The following FRMD4A variants were observed in gnomAD, a reference collection of about 807,000 sequenced individuals.
FRMD4A encodes the protein FERM domain containing 4A, also known as FERM domain-containing protein 4A.
Under a neutral mutation model 129.1 loss-of-function variants are expected in FRMD4A, and 29 were observed. The ratio of observed to expected loss-of-function variants is 0.22; its 90% CI spans 0.17 to 0.31. FRMD4A has a LOEUF of 0.31. Among genes scored for constraint, FRMD4A ranks in the 10% least tolerant of loss-of-function variants. The pLI is 1.00. For synonymous variants in FRMD4A, 634 were observed against 571.6 expected (o/e 1.11, Z -1.56); for missense variants, 1,272 against 1,375.8 (o/e 0.92, Z 1.19).
At chr10:14,320,857 T>C (rs570004248) in intron 2 of FRMD4A, among the ~76,000 whole-genome samples, 1 of 150,840 alleles carries the variant, frequency 6.6e-6, no homozygotes, top group South Asian at 2.1e-4. Flanking sequence ...CCCGGGGCCA[T>C]GGCCCAGGTT....
chr10:13,801,272 C>CAA (rs546854127), intron 4 of FRMD4A, among the ~76,000 whole-genome samples: 2 of 147,286 alleles, frequency 1.4e-5, no homozygotes, highest in African/African-American at 5.0e-5. Flanking sequence ...GGCCCTGTCT[C>CAA]AAAAAAAAAA....
chr10:13,957,800 T>C (rs1031846994), intron 2 of FRMD4A, among the ~76,000 whole-genome samples: 5 of 152,218 alleles, frequency 3.3e-5, no homozygotes, highest in Non-Finnish European at 7.3e-5. Flanking sequence ...TGTATCTTTC[T>C]GGCCCCTAAA....
chr10:14,185,704 G>T (rs1451635816), intron 2 of FRMD4A, among the ~76,000 whole-genome samples: 1 of 152,170 alleles, frequency 6.6e-6, no homozygotes, highest in South Asian at 2.1e-4. Flanking sequence ...CTCAACAGTG[G>T]CACCTTCAGT....
chr10:13,898,816 T>C (rs1030582792), intron 2 of FRMD4A, among the ~76,000 whole-genome samples: 5 of 152,176 alleles, frequency 3.3e-5, no homozygotes, highest in African/African-American at 1.2e-4. Flanking sequence ...GCTAATACCA[T>C]TGGGCAGTCT....
chr10:13,672,840 G>C (rs2083631951), intron 16 of FRMD4A, among the ~76,000 whole-genome samples: 1 of 152,160 alleles, frequency 6.6e-6, no homozygotes, highest in African/African-American at 2.4e-5. Flanking sequence ...GACTACACAT[G>C]CGTCAAGAGG....
rs11258554 is a variant in FRMD4A, at chr10:13,720,656, C to A, written c.760-13543G>T. 0.012 allele frequency among the ~76,000 whole-genome samples: 1,755 copies of A among 152,146 alleles called. 69 individuals carry two copies. The South Asian group carries it at 0.12, about 10-fold the overall frequency. On this transcript the variant is annotated intron_variant, in intron 12 of 24. Coordinates refer to ENST00000357447, the MANE Select transcript of FRMD4A (RefSeq NM_018027.5). ...ACAGGTTTGAAGCACAAATGGGAAC[C>A]AGGGAAGGATAGGACAGGGTTTGCC...
intron 2 of FRMD4A, among the ~76,000 whole-genome samples, chr10:14,265,814 T>C (rs1490500159): frequency 1.3e-5 from 2 of 152,220 alleles, no homozygotes; most frequent in African/African-American, 2.4e-5. Flanking sequence ...TGCCCCTGTA[T>C]GTACTGTTGG....
At chr10:14,183,373 T>C (rs778844910) in intron 2 of FRMD4A, among the ~76,000 whole-genome samples, 1 of 152,246 alleles carries the variant, frequency 6.6e-6, no homozygotes, top group Non-Finnish European at 1.5e-5. Context: ...ATTCTAATTT[T>C]ACAAGTTGGA....
chr10:14,060,100 C>T (rs115002562), intron 2 of FRMD4A, among the ~76,000 whole-genome samples: 5,846 of 152,304 alleles, frequency 0.038, 190 homozygotes, highest in African/African-American at 0.098. Context: ...TTTATTGCAT[C>T]CTCCTTTTGA....
At chr10:13,724,110 C>T (rs984649731) in intron 12 of FRMD4A, among the ~76,000 whole-genome samples, 6 of 152,244 alleles carry the variant, frequency 3.9e-5, no homozygotes, top group Admixed American at 1.3e-4. Flanking sequence ...ATTTGTCAGC[C>T]GGGCGCGGTG....
intron 2 of FRMD4A, among the ~76,000 whole-genome samples, chr10:14,254,944 C>T (rs935106655): frequency 6.6e-6 from 1 of 152,102 alleles, no homozygotes; most frequent in African/African-American, 2.4e-5. Context: ...ATCCCAGTCC[C>T]TAAAGTCTTA....
At chr10:13,750,104 G>GAAAT (rs1554880607) in intron 8 of FRMD4A, among the ~76,000 whole-genome samples, 59 of 105,820 alleles carry the variant, frequency 5.6e-4, no homozygotes, top group African/African-American at 2.1e-3. Flanking sequence ...AAGAAAGAAA[G>GAAAT]AAATGAAGAA....
chr10:13,673,769 C>CTTTTTTTTT (rs1156236426), intron 16 of FRMD4A, among the ~76,000 whole-genome samples: 2 of 94,286 alleles, frequency 2.1e-5, no homozygotes, highest in Non-Finnish European at 3.9e-5. Flanking sequence ...GAAAGCATTG[C>CTTTTTTTTT]TTTTTTTTTT....
chr10:14,184,125 C>CTTTTTTTTT (rs58858936), intron 2 of FRMD4A, among the ~76,000 whole-genome samples: 70 of 64,516 alleles, frequency 1.1e-3, no homozygotes, highest in Non-Finnish European at 1.6e-3. Flanking sequence ...CTTTTCTTTT[C>CTTTTTTTTT]TTTTTTTTTT....
intron 2 of FRMD4A, among the ~76,000 whole-genome samples, chr10:14,089,395 C>T (rs1023340300): frequency 3.3e-5 from 5 of 152,088 alleles, no homozygotes; most frequent in Non-Finnish European, 5.9e-5. Flanking sequence ...CCAGAGAGGA[C>T]GGGCTGGCCC....
At chr10:14,330,526 C>T (rs1350142973) in intron 1 of FRMD4A, 71 bp downstream of exon 1, 3 of 405,896 alleles carry the variant, frequency 7.4e-6, no homozygotes, top group African/African-American at 2.0e-5. Context: ...AATCAAGCAG[C>T]CCGAGCCACC....
At chr10:13,762,526 AGTGAGTAGATACAGCTACT>A in intron 7 of FRMD4A, 79 bp downstream of exon 7, 1 of 720,544 alleles carries the variant, frequency 1.4e-6, no homozygotes, top group Non-Finnish European at 2.5e-6. Flanking sequence ...GACGACAAAT[AGTGAGTAGATACAGCTACT>A]GGCTATGCCT....
chr10:14,251,681 TAAG>T (rs1343114769), intron 2 of FRMD4A, among the ~76,000 whole-genome samples: 1 of 152,214 alleles, frequency 6.6e-6, no homozygotes, highest in Non-Finnish European at 1.5e-5. Context: ...AGTTTTAAAA[TAAG>T]AAGTCTCTTT....
At chr10:14,026,450 G>A (rs1832989581) in intron 2 of FRMD4A, among the ~76,000 whole-genome samples, 2 of 152,196 alleles carry the variant, frequency 1.3e-5, no homozygotes, top group Admixed American at 1.3e-4. Context: ...GTACATGCAT[G>A]TTCTTCGAGT....
Sources: allele counts gnomAD v4.1 joint callset (sites outside exome capture counted in the v4.1 genomes callset), GRCh38; gene constraint gnomAD v4.1.1; transcripts MANE v1.5; gene names NCBI Gene and HGNC (gene_info 2026-07-23, HGNC 2026-07-21).